Variants in CCDC154 observed in about 807,000 individuals in gnomAD.
CCDC154 encodes coiled-coil domain-containing protein 154.
CCDC154 carries 91 observed loss-of-function variants against 87.5 expected under a neutral mutation model. The observed-to-expected ratio is 1.04, with a 90% CI of 0.88 to 1.24. The LOEUF is 1.24. Ranked by LOEUF, CCDC154 falls within the 50% of genes most tolerant of loss-of-function variation. The probability of loss-of-function intolerance (pLI) is 0.00; values close to 1 mark genes in which losing one functional copy is unlikely to be tolerated. For synonymous variants in CCDC154, 418 were observed against 400.4 expected (o/e 1.04, Z -0.52); for missense variants, 903 against 879.2 (o/e 1.03, Z -0.34).
intron 6 of CCDC154, among the ~76,000 whole-genome samples, chr16:1,442,116 C>T (rs908088848): frequency 2.6e-5 from 4 of 151,922 alleles, no homozygotes; most frequent in Non-Finnish European, 5.9e-5. Flanking sequence ...TGGGGTTTCA[C>T]CATGTTGGCC....
intron 1 of CCDC154, 67 bp from the exon 2 acceptor site, chr16:1,444,079 G>T: frequency 8.3e-7 from 1 of 1,211,182 alleles, no homozygotes; most frequent in Non-Finnish European, 1.1e-6. Flanking sequence ...ACGGGAACAA[G>T]GCCCCAAACC....
intron 5 of CCDC154, 78 bp from the exon 6 acceptor site, chr16:1,442,607 C>A: frequency 6.9e-7 from 1 of 1,440,674 alleles, no homozygotes; most frequent in Non-Finnish European, 9.2e-7. Flanking sequence ...ACAGGCTGGC[C>A]AGGCAGGAGG....
At position 1,434,494 on chromosome 16, in the gene CCDC154, G is replaced by C. The variant is rs1392020313; in HGVS notation, c.1918C>G (p.Leu640Val). ...WKASLIKLRA[L>V]RRPGGVLEKP... ...TCCAGGACCCCTCCTGGCCTCCGCA[G>C]GGCCCTGAGCTTTATGAGGGACGCC... Residue 640 changes from leucine to valine, a missense_variant, in exon 17 of 17, where the codon CTG (leucine) becomes GTG (valine). By Grantham distance (32) the Leu-to-Val change is conservative. Coordinates refer to ENST00000389176, the MANE Select transcript of CCDC154 (RefSeq NM_001143980.3). 6.5e-7 allele frequency: 1 copy of C among 1,549,656 alleles called. No homozygotes were observed. Among genetic ancestry groups the C allele is most frequent in the East Asian group, 2.4e-5 (1 of 40,930 alleles).
rs1371067466 is a variant in CCDC154, at chr16:1,435,140, G to T, written c.1641C>A (p.Val547=). The T allele has an allele frequency of 6.4e-7, 1 of 1,550,490 alleles. No individual in the cohort carries two copies. Among genetic ancestry groups the T allele is most frequent in the South Asian group, 1.2e-5 (1 of 84,058 alleles). Residue 547 remains valine (V), a synonymous_variant, in exon 15 of 17, where the codon GTC becomes GTA. Transcript: ENST00000389176. ...QNQIMKLENC[V]QANKTIQNLR... ...GGTTCTGGATGGTCTTGTTGGCCTG[G>T]ACGCAGTTTTCCAGCTTCATTATTT...
intron 14 of CCDC154, among the ~76,000 whole-genome samples, chr16:1,435,635 C>T (rs1328395451): frequency 1.3e-5 from 2 of 152,242 alleles, no homozygotes; most frequent in Non-Finnish European, 2.9e-5. Context: ...GAGTGATTCT[C>T]CTGCCTCAGC....
In CCDC154 at chr16:1,439,384, C is replaced by T. The variant is rs1261974256; in HGVS notation, c.676-258G>A. On this transcript the variant is annotated intron_variant, in intron 6 of 16. Coordinates refer to ENST00000389176, the MANE Select transcript of CCDC154 (RefSeq NM_001143980.3). Reference sequence around the variant, plus strand: ...AGGTGGGGTCCAGACACACTTGGCACCCACCACCGAGGCTGCCCAGGGAAG... The same window carrying T: ...AGGTGGGGTCCAGACACACTTGGCATCCACCACCGAGGCTGCCCAGGGAAG... 2.7e-5 allele frequency: 14 copies of T among 514,150 alleles called. 1 individual carries two copies. In the South Asian group the frequency reaches 3.5e-4, roughly 13 times the overall value. The allele number at this position is 514,150 out of a possible 1,614,324, so 31.8% of individuals were successfully genotyped here. A position where few individuals can be genotyped will look rare whatever the true frequency, so the allele number is the denominator to read the frequency against.
At chr16:1,437,390 T>C (rs1228849513) in intron 11 of CCDC154, 3 of 187,030 alleles carry the variant, frequency 1.6e-5, no homozygotes, top group Non-Finnish European at 3.3e-5. Flanking sequence ...GGGCTGAGGT[T>C]CTTCCTGAAG....
chr16:1,440,455 A>G (rs2038540669), intron 6 of CCDC154, among the ~76,000 whole-genome samples: 1 of 151,660 alleles, frequency 6.6e-6, no homozygotes, highest in South Asian at 2.1e-4. Flanking sequence ...ATCTCAGAAA[A>G]GAAAAGAGAA....
In CCDC154 at chr16:1,438,745, G is replaced by T. The variant is rs1475461233; in HGVS notation, c.907-8C>A. The stretch of plus-strand genomic sequence containing the variant: ...CTCCAGGAGGTGGCTCTCCTGCCAG[G>T]GGGTGGAGGCCGCCCTGAGACCTGC... On this transcript the variant is annotated splice_polypyrimidine_tract_variant and splice_region_variant and intron_variant, in intron 8 of 16. Coordinates refer to ENST00000389176, the MANE Select transcript of CCDC154 (RefSeq NM_001143980.3). 2.6e-6 allele frequency: 4 copies of T among 1,549,020 alleles called. No individual in the cohort carries two copies. Among genetic ancestry groups the T allele is most frequent in the African/African-American group, 1.4e-5 (1 of 73,136 alleles).
Position 1,438,163 on chromosome 16 carries a change from GC to G in CCDC154, c.1038del (p.Arg347AlafsTer57). On this transcript the variant is annotated frameshift_variant, in exon 10 of 17. Transcript: ENST00000389176. LOFTEE classifies it high-confidence loss of function. ...LAEEKAWDAK[G>X]RLEESRAGEL... ...TCCCCAGCCCGGCTTTCCTCCAAGC[GC>G]CCCTTGGCGTCCCTAGGGGTTGGGG... The G allele has an allele frequency of 6.5e-7, 1 of 1,543,142 alleles. No individual in the cohort carries two copies.
At position 1,443,872 on chromosome 16, in the gene CCDC154, C is replaced by G. The variant is rs1567260132; in HGVS notation, c.148G>C (p.Glu50Gln). Residue 50 changes from glutamate to glutamine, a missense_variant, in exon 2 of 17, where the codon GAG becomes CAG. By Grantham distance (29) the Glu-to-Gln change is conservative (BLOSUM62 2). Transcript: ENST00000389176. ...LSLEELSERY[E>Q]SSHPTSTASV... ...GCCGTGGATGTCGGATGGCTGGACT[C>G]ATACCTCTCCGAGAGCTCCTCCAGG... is the stretch of plus-strand genomic sequence containing the variant. The G allele has an allele frequency of 3.1e-6, 4 of 1,304,246 alleles. No homozygotes were observed. Among genetic ancestry groups the G allele is most frequent in the Non-Finnish European group, 3.0e-6 (3 of 988,976 alleles). 80.8% of individuals were successfully genotyped at this position (1,304,246 alleles called of 1,614,324 possible).
At chr16:1,442,349 T>G in intron 6 of CCDC154, 57 bp downstream of exon 6, 1 of 1,496,470 alleles carries the variant, frequency 6.7e-7, no homozygotes, top group Non-Finnish European at 8.9e-7. Flanking sequence ...CCGAGAGGGT[T>G]AGGGTCTCCT....
chr16:1,439,566 C>T lies in CCDC154; in HGVS notation c.676-440G>A, dbSNP rs565623224. On this transcript the variant is annotated intron_variant, in intron 6 of 16. Transcript: ENST00000389176. ...CCTGAAGGGGAGGGGAGGGGGGAGG[C>T]GCAGCCGGCCCCATCCCTGCATCTC... Among the ~76,000 whole-genome samples the T allele has an allele frequency of 4.0e-3, 609 of 152,278 alleles. 4 individuals are homozygous for T. The highest frequency in any genetic ancestry group is 0.012 in the African/African-American group (506 of 41,562).
At chr16:1,444,188 G>T (rs1355154935) in intron 1 of CCDC154, 128 bp downstream of exon 1, 3 of 1,107,752 alleles carry the variant, frequency 2.7e-6, no homozygotes, top group East Asian at 1.2e-4. Flanking sequence ...GGCCCTGCCT[G>T]AAGACACACA....
In CCDC154 at chr16:1,443,486, T is replaced by TC; in HGVS notation, c.414+19_414+20insG. The TC allele has an allele frequency of 3.5e-6, 5 of 1,432,594 alleles. No individual in the cohort carries two copies. The highest frequency in any genetic ancestry group is 4.6e-6 in the Non-Finnish European group (5 of 1,097,018). The allele number at this position is 1,432,594 out of a possible 1,614,324, so 88.7% of individuals were successfully genotyped here. On this transcript the variant is annotated intron_variant, in intron 3 of 16. Transcript: ENST00000389176. ...CCCAGGAAAGGGGCAGCTCGACCTGTGGGTGGGGGAGCCGCTCACCTCCGG... is the reference window on the plus strand; with the variant it reads ...CCCAGGAAAGGGGCAGCTCGACCTGTCGGGTGGGGGAGCCGCTCACCTCCGG...
At chr16:1,443,000 A>G in intron 4 of CCDC154, 25 bp from the exon 5 acceptor site, 1 of 1,549,582 alleles carries the variant, frequency 6.5e-7, no homozygotes, top group Non-Finnish European at 8.7e-7. Flanking sequence ...GCCATTCCCG[A>G]GAGGCCCAGG....
At chr16:1,436,842 G>T in intron 11 of CCDC154, 31 bp from the exon 12 acceptor site, 1 of 1,549,614 alleles carries the variant, frequency 6.5e-7, no homozygotes, top group South Asian at 1.2e-5. Context: ...GAGGGACAAA[G>T]CCAAGAGAGG....
At position 1,438,126 on chromosome 16, in the gene CCDC154, T is replaced by C; in HGVS notation, c.1076A>G (p.Tyr359Cys). Reference protein sequence around the residue: ...EESRAGELAAYVQENLEAAQL... With the variant: ...EESRAGELAACVQENLEAAQL... ...TGCGGCCTCCAGGTTCTCCTGCACA[T>C]AGGCGGCCAGCTCCCCAGCCCGGCT... is the stretch of plus-strand genomic sequence containing the variant. The change falls in exon 10 of 17, where the codon TAT becomes TGT. Residue 359 changes from tyrosine (Y) to cysteine (C), a missense_variant. Transcript: ENST00000389176. 6 of 1,548,356 alleles carry C rather than the reference T, an allele frequency of 3.9e-6. No homozygotes were observed. The highest frequency in any genetic ancestry group is 5.2e-6 in the Non-Finnish European group (6 of 1,145,850).
rs2142350714 is a variant in CCDC154, at chr16:1,436,089, A to G, written c.1488-3T>C. On this transcript the variant is annotated splice_polypyrimidine_tract_variant and splice_region_variant and intron_variant, in intron 13 of 16. Coordinates refer to ENST00000389176, the MANE Select transcript of CCDC154 (RefSeq NM_001143980.3). ...GCAGGGCCCCAACCTTGAACTCCCTATGGGCACCAGAGGCCGAGGCTGGCT... is the reference window on the plus strand; with the variant it reads ...GCAGGGCCCCAACCTTGAACTCCCTGTGGGCACCAGAGGCCGAGGCTGGCT... The G allele has an allele frequency of 6.5e-7, 1 of 1,548,776 alleles. No homozygotes were observed.
Sources: allele counts gnomAD v4.1 joint callset (sites outside exome capture counted in the v4.1 genomes callset), GRCh38; gene constraint gnomAD v4.1.1; transcripts MANE v1.5; gene names NCBI Gene and HGNC (gene_info 2026-07-23, HGNC 2026-07-21).